The following ELP4 variants were observed in gnomAD, a reference collection of about 807,000 sequenced individuals.
The protein encoded by ELP4 is elongator acetyltransferase complex subunit 4, also known as elongator complex protein 4.
In ELP4, 51 loss-of-function variants were observed where a neutral mutation model predicts 48.9. The observed-to-expected ratio is 1.04, with a 90% CI of 0.83 to 1.32. The LOEUF (loss-of-function observed/expected upper bound fraction) is 1.32, where lower values mean the gene tolerates loss of function less well. Among genes scored for constraint, ELP4 ranks in the 40% most tolerant of loss-of-function variants. The pLI is 0.00. For synonymous variants in ELP4, 210 were observed against 189.2 expected, an observed-to-expected ratio of 1.11 and a Z score of -0.90; for missense variants, 519 against 514.6, an observed-to-expected ratio of 1.01 and a Z score of -0.08.
intron 7 of ELP4, chr11:31,646,748 A>G (rs1454386226): frequency 2.0e-5 from 3 of 151,684 alleles, no homozygotes; most frequent in Non-Finnish European, 4.4e-5. Context: ...TACAAAAAAC[A>G]TTTTCAGCTT....
chr11:31,602,594 G>C (rs188600201), intron 4 of ELP4, among the ~76,000 whole-genome samples: 1 of 151,774 alleles, frequency 6.6e-6, no homozygotes, highest in Non-Finnish European at 1.5e-5. Context: ...ATTTCTATTA[G>C]ACTTAAAAAT....
intron 2 of ELP4, among the ~76,000 whole-genome samples, chr11:31,527,938 A>G (rs771175655): frequency 1.1e-4 from 16 of 151,982 alleles, no homozygotes; most frequent in Non-Finnish European, 1.9e-4. Flanking sequence ...CTTTGTGTTT[A>G]TCATTCTGAG....
chr11:31,721,390 A>G (rs1016199784), intron 9 of ELP4, among the ~76,000 whole-genome samples: 1 of 152,232 alleles, frequency 6.6e-6, no homozygotes, highest in African/African-American at 2.4e-5. Flanking sequence ...AAATTATAAG[A>G]TCATGTAATA....
rs771054716 is a variant in ELP4 at position 31,534,227 on chromosome 11, C to T, written c.260-5435C>T. Among the ~76,000 whole-genome samples, 5 of 151,176 alleles carry T rather than the reference C, an allele frequency of 3.3e-5. No individual in the cohort carries two copies. The South Asian group carries it at 8.4e-4, about 25-fold the overall frequency. ...CAAATACTTTGATACTTTGCTAATA[C>T]GTTTCACTGGATTATAAGGATGGGG... is the stretch of plus-strand genomic sequence containing the variant. On this transcript the variant is annotated intron_variant, in intron 2 of 9. Coordinates refer to ENST00000640961, the MANE Select transcript of ELP4 (RefSeq NM_019040.5).
chr11:31,547,633 T>G (rs904145796), intron 3 of ELP4, among the ~76,000 whole-genome samples: 1 of 152,188 alleles, frequency 6.6e-6, no homozygotes, highest in Non-Finnish European at 1.5e-5. Context: ...CTAACTCATT[T>G]TATGAGGCCA....
At chr11:31,616,278 T>A (rs1404106872) in intron 5 of ELP4, among the ~76,000 whole-genome samples, 1 of 152,010 alleles carries the variant, frequency 6.6e-6, no homozygotes, top group African/African-American at 2.4e-5. Flanking sequence ...AAAAATAAAT[T>A]TTGGTATATA....
At chr11:31,590,565 G>C (rs1038175764) in intron 3 of ELP4, among the ~76,000 whole-genome samples, 2 of 152,156 alleles carry the variant, frequency 1.3e-5, no homozygotes, top group African/African-American at 4.8e-5. Context: ...GATAAGTTGG[G>C]TGTATTCGGC....
At chr11:31,619,017 A>C (rs1404714359) in intron 5 of ELP4, among the ~76,000 whole-genome samples, 1 of 152,066 alleles carries the variant, frequency 6.6e-6, no homozygotes, top group Non-Finnish European at 1.5e-5. Flanking sequence ...AATGGATTTA[A>C]GTGAAAATGT....
At chr11:31,631,283 G>A (rs911811102) in intron 6 of ELP4, among the ~76,000 whole-genome samples, 1 of 152,070 alleles carries the variant, frequency 6.6e-6, no homozygotes, top group African/African-American at 2.4e-5. Flanking sequence ...ATACATTTTA[G>A]GAATTTGTTT....
chr11:31,684,231 G>C (rs1946115328), intron 9 of ELP4, among the ~76,000 whole-genome samples: 1 of 151,314 alleles, frequency 6.6e-6, no homozygotes, highest in Non-Finnish European at 1.5e-5. Context: ...AAAAAAACCA[G>C]AATCTCCCTT....
intron 2 of ELP4, among the ~76,000 whole-genome samples, chr11:31,524,187 C>T (rs1956258917): frequency 6.6e-6 from 1 of 152,080 alleles, no homozygotes; most frequent in Non-Finnish European, 1.5e-5. Flanking sequence ...TTATAAACAA[C>T]ATAGATTTAT....
intron 9 of ELP4, among the ~76,000 whole-genome samples, chr11:31,743,007 T>A (rs1441446045): frequency 5.9e-5 from 9 of 151,876 alleles, no homozygotes; most frequent in Admixed American, 4.6e-4. Flanking sequence ...AGGAAACCCA[T>A]CTCACATGCA....
At position 31,734,467 on chromosome 11, in the gene ELP4, T is replaced by C. The variant is rs1462374801; in HGVS notation, c.1144-48926T>C. ...TCTTATATGTAGAAAACCCTAAAGA[T>C]TCCATTTAAAAAACTGCTAGAACTA... On this transcript the variant is annotated intron_variant, in intron 9 of 9. Transcript: ENST00000640961. Among the ~76,000 whole-genome samples the C allele has an allele frequency of 3.3e-5, 5 of 152,234 alleles. No individual in the cohort carries two copies. The East Asian group carries it at 9.6e-4, about 29-fold the overall frequency.
chr11:31,761,593 G>A (rs1042985201), intron 9 of ELP4, among the ~76,000 whole-genome samples: 1 of 152,102 alleles, frequency 6.6e-6, no homozygotes, highest in Non-Finnish European at 1.5e-5. Context: ...AATAGCATGG[G>A]CAATAAAGGA....
At chr11:31,677,346 T>G (rs1312952137) in intron 9 of ELP4, among the ~76,000 whole-genome samples, 1 of 152,152 alleles carries the variant, frequency 6.6e-6, no homozygotes, top group Non-Finnish European at 1.5e-5. Context: ...CCAACTTCAA[T>G]TAAATGGGAA....
At chr11:31,570,622 C>T (rs1957178277) in intron 3 of ELP4, among the ~76,000 whole-genome samples, 2 of 151,320 alleles carry the variant, frequency 1.3e-5, no homozygotes, top group Admixed American at 1.3e-4. Context: ...CACCCACCAC[C>T]ACACCCAACT....
intron 5 of ELP4, among the ~76,000 whole-genome samples, chr11:31,613,190 T>C (rs1958014951): frequency 1.3e-5 from 2 of 152,174 alleles, no homozygotes; most frequent in South Asian, 2.1e-4. Flanking sequence ...ATCCATGATA[T>C]AATGGAGTGA....
chr11:31,781,370 TA>T (rs1168999014), intron 9 of ELP4, among the ~76,000 whole-genome samples: 1 of 151,488 alleles, frequency 6.6e-6, no homozygotes, highest in Non-Finnish European at 1.5e-5. Context: ...AACTCAGACA[TA>T]AAATTAAAGG....
At chr11:31,682,541 G>A (rs1434956973) in intron 9 of ELP4, among the ~76,000 whole-genome samples, 2 of 152,158 alleles carry the variant, frequency 1.3e-5, no homozygotes, top group East Asian at 3.9e-4. Context: ...TAGCACCTTG[G>A]CATTCATTGT....
Sources: allele counts gnomAD v4.1 joint callset (sites outside exome capture counted in the v4.1 genomes callset), GRCh38; gene constraint gnomAD v4.1.1; transcripts MANE v1.5; gene names NCBI Gene and HGNC (gene_info 2026-07-23, HGNC 2026-07-21).